POU6F2: variants seen among roughly 807,000 people sequenced by gnomAD.
POU6F2 encodes the protein POU domain, class 6, transcription factor 2.
A neutral mutation model predicts 71.3 loss-of-function variants in POU6F2; 31 were observed. The observed-to-expected ratio is 0.43, with a 90% CI of 0.33 to 0.59. POU6F2 has a LOEUF of 0.59. Among genes scored for constraint, POU6F2 ranks in the 20% least tolerant of loss-of-function variants. POU6F2 has a pLI of 0.04. For missense variants in POU6F2, 783 were observed against 856.8 expected, an observed-to-expected ratio of 0.91 and a Z score of 1.07; for synonymous variants, 347 against 355.7, an observed-to-expected ratio of 0.98 and a Z score of 0.27.
chr7:39,035,489 T>C (rs1005580222), intron 1 of POU6F2, among the ~76,000 whole-genome samples: 5 of 152,180 alleles, frequency 3.3e-5, no homozygotes, highest in Non-Finnish European at 5.9e-5. Context: ...GACTCTTCTT[T>C]TGGTGTATCC....
chr7:39,156,988 T>A (rs1792883715), intron 2 of POU6F2, among the ~76,000 whole-genome samples: 1 of 152,230 alleles, frequency 6.6e-6, no homozygotes, highest in African/African-American at 2.4e-5. Flanking sequence ...TTGTTTCTAC[T>A]GCAAACAAAA....
chr7:39,359,216 C>T (rs899809009), intron 5 of POU6F2, among the ~76,000 whole-genome samples: 4 of 152,122 alleles, frequency 2.6e-5, no homozygotes, highest in South Asian at 4.1e-4. Flanking sequence ...TACCTAACAA[C>T]GTGTTAGACA....
intron 1 of POU6F2, among the ~76,000 whole-genome samples, chr7:39,059,713 TA>T (rs1266801295): frequency 2.0e-5 from 3 of 152,178 alleles, no homozygotes; most frequent in Admixed American, 1.3e-4. Flanking sequence ...TAGGTTTGTA[TA>T]AAAACTTGTA....
At chr7:39,064,492 G>A (rs897911259) in intron 1 of POU6F2, among the ~76,000 whole-genome samples, 3 of 150,880 alleles carry the variant, frequency 2.0e-5, no homozygotes, top group Non-Finnish European at 3.0e-5. Flanking sequence ...CAAATGAGAC[G>A]CATAAAGAAA....
At chr7:39,446,691 C>T (rs531853607) in intron 7 of POU6F2, among the ~76,000 whole-genome samples, 21 of 152,306 alleles carry the variant, frequency 1.4e-4, no homozygotes, top group Middle Eastern at 3.4e-3. Flanking sequence ...GCCAGTAGGA[C>T]GTAGAAAGCT....
intron 5 of POU6F2, among the ~76,000 whole-genome samples, chr7:39,373,018 G>T (rs1050051026): frequency 6.6e-6 from 1 of 152,204 alleles, no homozygotes. Context: ...GCTTGGGTTT[G>T]AATTCTGACT....
chr7:39,248,042 A>C (rs895820674), intron 4 of POU6F2, among the ~76,000 whole-genome samples: 27 of 152,128 alleles, frequency 1.8e-4, no homozygotes, highest in African/African-American at 6.3e-4. Context: ...TCCAATATTA[A>C]AGACAGGATT....
rs375043596 is a variant in POU6F2 at position 39,207,640 on chromosome 7, C to A, written c.598+20C>A. Reference sequence around the variant, plus strand: ...TACAAGGTAATCCATAATGTCCATGCGCCACGTAAGGCTCTACCCGTTGGC... The same window carrying A: ...TACAAGGTAATCCATAATGTCCATGAGCCACGTAAGGCTCTACCCGTTGGC... On this transcript the variant is annotated intron_variant, in intron 4 of 9. Coordinates refer to ENST00000518318, the MANE Select transcript of POU6F2 (RefSeq NM_001370959.1). 8.1e-6 allele frequency: 13 copies of A among 1,600,950 alleles called. No individual in the cohort carries two copies. Among genetic ancestry groups the A allele is most frequent in the Non-Finnish European group, 1.0e-5 (12 of 1,171,536 alleles).
rs148234782 is a variant in POU6F2 at position 38,981,969 on chromosome 7, T to C, written c.105+3911T>C. On this transcript the variant is annotated intron_variant, in intron 1 of 9. Coordinates refer to ENST00000518318, the MANE Select transcript of POU6F2 (RefSeq NM_001370959.1). ...TTTACATAGAGGTTTGTTTATACCA[T>C]CCCTTGTTCCAAAAAGTATTTAATG... is the stretch of plus-strand genomic sequence containing the variant. Among the ~76,000 whole-genome samples the C allele has an allele frequency of 9.3e-4, 142 of 152,308 alleles. 2 individuals are homozygous for C. The South Asian group carries it at 0.026, about 28-fold the overall frequency.
At chr7:39,390,629 G>C (rs921741380) in intron 5 of POU6F2, among the ~76,000 whole-genome samples, 17 of 152,286 alleles carry the variant, frequency 1.1e-4, no homozygotes, top group South Asian at 1.0e-3. Flanking sequence ...TAGTTGATGA[G>C]AAAAGCCAAG....
At chr7:39,220,261 G>A (rs1026475737) in intron 4 of POU6F2, among the ~76,000 whole-genome samples, 1 of 152,314 alleles carries the variant, frequency 6.6e-6, no homozygotes, top group Non-Finnish European at 1.5e-5. Context: ...AATAGAAATA[G>A]GAGTTTGTCA....
chr7:39,180,011 G>C (rs755706640), intron 2 of POU6F2, among the ~76,000 whole-genome samples: 13 of 152,194 alleles, frequency 8.5e-5, no homozygotes, highest in Non-Finnish European at 1.8e-4. Context: ...AATAGAAAAG[G>C]GATCAATAGT....
intron 1 of POU6F2, among the ~76,000 whole-genome samples, chr7:39,037,163 C>G (rs1280522703): frequency 6.6e-6 from 1 of 152,006 alleles, no homozygotes; most frequent in Non-Finnish European, 1.5e-5. Flanking sequence ...TACAAAATCA[C>G]TTTTCCCTCA....
intron 1 of POU6F2, among the ~76,000 whole-genome samples, chr7:39,055,244 A>C (rs1246588260): frequency 6.6e-6 from 1 of 152,156 alleles, no homozygotes; most frequent in Non-Finnish European, 1.5e-5. Context: ...TAAAGTAATA[A>C]AAGAGCTAAG....
intron 1 of POU6F2, among the ~76,000 whole-genome samples, chr7:39,065,889 G>T (rs1468758335): frequency 6.6e-6 from 1 of 151,616 alleles, no homozygotes; most frequent in African/African-American, 2.4e-5. Context: ...ATATTCTTAT[G>T]CTTCATAAAT....
chr7:39,003,583 C>CAAAA (rs10650128), intron 1 of POU6F2, among the ~76,000 whole-genome samples: 35 of 128,358 alleles, frequency 2.7e-4, no homozygotes, highest in African/African-American at 6.3e-4. Flanking sequence ...ACTAAAAATA[C>CAAAA]AAAAAAAAAA....
intron 1 of POU6F2, among the ~76,000 whole-genome samples, chr7:39,033,275 G>T (rs907960550): frequency 2.0e-5 from 3 of 152,190 alleles, no homozygotes; most frequent in African/African-American, 2.4e-5. Context: ...ATATATGTGC[G>T]TTGGGCTATA....
At chr7:39,272,226 T>A (rs1345106270) in intron 4 of POU6F2, among the ~76,000 whole-genome samples, 1 of 152,086 alleles carries the variant, frequency 6.6e-6, no homozygotes, top group East Asian at 1.9e-4. Flanking sequence ...AAATACCAAA[T>A]AGAAATGTAT....
intron 8 of POU6F2, among the ~76,000 whole-genome samples, chr7:39,454,609 A>T (rs1171556282): frequency 7.3e-6 from 1 of 136,928 alleles, no homozygotes; most frequent in Non-Finnish European, 1.6e-5. Context: ...AGGAAATTAT[A>T]AGAGTCTTAT....
Sources: allele counts gnomAD v4.1 joint callset (sites outside exome capture counted in the v4.1 genomes callset), GRCh38; gene constraint gnomAD v4.1.1; transcripts MANE v1.5; gene names NCBI Gene and HGNC (gene_info 2026-07-23, HGNC 2026-07-21).